The following RGS7 variants were observed in gnomAD, a reference collection of about 807,000 sequenced individuals.
RGS7 encodes regulator of G-protein signaling 7.
In RGS7, 27 loss-of-function variants were observed where a neutral mutation model predicts 81.1. The ratio of observed to expected loss-of-function variants is 0.33; its 90% CI spans 0.25 to 0.46. The LOEUF (loss-of-function observed/expected upper bound fraction) is 0.46. Among genes scored for constraint, RGS7 ranks in the 20% least tolerant of loss-of-function variants. RGS7 has a pLI of 1.00. For synonymous variants in RGS7, 208 were observed against 207.7 expected, an observed-to-expected ratio of 1.00 and a Z score of -0.01; for missense variants, 396 against 607.4, an observed-to-expected ratio of 0.65 and a Z score of 3.66.
chr1:241,045,390 G>A (rs1363890546), intron 3 of RGS7, among the ~76,000 whole-genome samples: 1 of 152,076 alleles, frequency 6.6e-6, no homozygotes, highest in Non-Finnish European at 1.5e-5. Flanking sequence ...TTGAGACAGA[G>A]TCTCACTGTG....
At chr1:240,851,253 G>A (rs999983811) in intron 9 of RGS7, among the ~76,000 whole-genome samples, 5 of 152,072 alleles carry the variant, frequency 3.3e-5, no homozygotes, top group Non-Finnish European at 4.4e-5. Flanking sequence ...AAAATTCTAG[G>A]GCCCATAAGA....
chr1:240,793,842 G>C (rs1686526883), intron 18 of RGS7, among the ~76,000 whole-genome samples: 1 of 151,704 alleles, frequency 6.6e-6, no homozygotes, highest in Admixed American at 6.6e-5. Flanking sequence ...TCGATCTCCT[G>C]ACCTTGTGAT....
intron 2 of RGS7, among the ~76,000 whole-genome samples, chr1:241,282,005 GT>G (rs1041517181): frequency 8.5e-5 from 13 of 152,134 alleles, no homozygotes; most frequent in African/African-American, 3.1e-4. Flanking sequence ...ATTTTCTTTT[GT>G]TTTCCCTCAA....
chr1:240,916,109 C>CAA (rs60839025), intron 6 of RGS7, among the ~76,000 whole-genome samples: 4,764 of 70,816 alleles, frequency 0.067, 229 homozygotes, highest in African/African-American at 0.16. Flanking sequence ...CTAAAAATAC[C>CAA]AAAAAAAAAA....
chr1:241,181,432 A>G (rs2071611314), intron 2 of RGS7, among the ~76,000 whole-genome samples: 1 of 152,252 alleles, frequency 6.6e-6, no homozygotes, highest in Non-Finnish European at 1.5e-5. Context: ...TAGAGTAGTA[A>G]TAATTAAATG....
chr1:241,135,065 G>C (rs2067403938), intron 2 of RGS7, among the ~76,000 whole-genome samples: 1 of 152,124 alleles, frequency 6.6e-6, no homozygotes, highest in Admixed American at 6.5e-5. Flanking sequence ...TAAAACCCCT[G>C]TCCTGTCCTC....
intron 2 of RGS7, among the ~76,000 whole-genome samples, chr1:241,338,300 T>C (rs889989700): frequency 6.6e-6 from 1 of 152,170 alleles, no homozygotes; most frequent in Non-Finnish European, 1.5e-5. Flanking sequence ...AAACATAAAA[T>C]AGTGTATCCA....
chr1:241,128,899 A>ATGC lies in RGS7; in HGVS notation c.79-30140_79-30138dup, dbSNP rs570432999. On this transcript the variant is annotated intron_variant, in intron 2 of 18. Coordinates refer to ENST00000440928, the MANE Select transcript of RGS7 (RefSeq NM_001364886.1). ...TTACATTTCCCTACCCCGTAATGAT[A>ATGC]TGCTCCCTTGGGGCTAGAAAGAAAG... 4.5e-3 allele frequency among the ~76,000 whole-genome samples: 684 copies of ATGC among 152,058 alleles called. 7 individuals are homozygous for ATGC. The highest frequency in any genetic ancestry group is 0.016 in the African/African-American group (659 of 41,512).
chr1:241,169,336 CTTTTTTTTTTTTTTT>C (rs57753661), intron 2 of RGS7, among the ~76,000 whole-genome samples: 2 of 74,274 alleles, frequency 2.7e-5, no homozygotes, highest in South Asian at 6.3e-4. Context: ...ATGTGTGTTT[CTTTTTTTTTTTTTTT>C]TTTTTTTTTT....
At chr1:241,249,341 T>A (rs2076719963) in intron 2 of RGS7, among the ~76,000 whole-genome samples, 1 of 152,096 alleles carries the variant, frequency 6.6e-6, no homozygotes, top group Non-Finnish European at 1.5e-5. Flanking sequence ...ATACCTAATT[T>A]ATCCTTTCCC....
At chr1:240,957,176 G>A (rs1171352671) in intron 4 of RGS7, among the ~76,000 whole-genome samples, 1 of 152,144 alleles carries the variant, frequency 6.6e-6, no homozygotes, top group Non-Finnish European at 1.5e-5. Context: ...AAAAGCAGGT[G>A]GAAGAAGGTG....
In RGS7 at chr1:240,966,943, C is replaced by A. The variant is rs115825257; in HGVS notation, c.226+16136G>T. ...TCAATTCAACAATGTTTACTGGTTA[C>A]CCAACATGTGTGAAACACTATGTAG... On this transcript the variant is annotated intron_variant, in intron 4 of 18. Coordinates refer to ENST00000440928, the MANE Select transcript of RGS7 (RefSeq NM_001364886.1). Among the ~76,000 whole-genome samples, 940 of 152,178 alleles carry A rather than the reference C, an allele frequency of 6.2e-3. 10 individuals are homozygous for A. The highest frequency in any genetic ancestry group is 0.022 in the African/African-American group (910 of 41,486).
At chr1:240,803,843 G>A (rs6679591) in intron 15 of RGS7, among the ~76,000 whole-genome samples, 118,243 of 151,624 alleles carry the variant, frequency 0.78, 46,607 homozygotes, top group African/African-American at 0.87. Context: ...GAATGTTCCA[G>A]TTTTCTTTTC....
At chr1:241,231,579 G>A (rs528315489) in intron 2 of RGS7, among the ~76,000 whole-genome samples, 1 of 151,976 alleles carries the variant, frequency 6.6e-6, no homozygotes, top group Non-Finnish European at 1.5e-5. Context: ...GGCTGGTCTC[G>A]AACTCCTGAC....
At chr1:241,323,027 A>C (rs974974080) in intron 2 of RGS7, among the ~76,000 whole-genome samples, 3 of 152,226 alleles carry the variant, frequency 2.0e-5, no homozygotes, top group African/African-American at 7.2e-5. Context: ...AAAAACACAA[A>C]TATAAATCTT....
At chr1:240,886,894 A>G (rs425749) in intron 6 of RGS7, among the ~76,000 whole-genome samples, 71,576 of 151,894 alleles carry the variant, frequency 0.47, 17,020 homozygotes, top group East Asian at 0.53. Context: ...ATGTGGTATA[A>G]TAGAAGGAAC....
At chr1:241,244,849 C>T (rs553201687) in intron 2 of RGS7, among the ~76,000 whole-genome samples, 4 of 151,500 alleles carry the variant, frequency 2.6e-5, no homozygotes, top group African/African-American at 9.7e-5. Context: ...AGCAAACTAT[C>T]GCAAGGACAA....
At chr1:241,195,476 AAAATAAAT>A (rs59191728) in intron 2 of RGS7, among the ~76,000 whole-genome samples, 5 of 151,908 alleles carry the variant, frequency 3.3e-5, no homozygotes, top group African/African-American at 9.7e-5. Flanking sequence ...GACTCCATCT[AAAATAAAT>A]AAATAAATAA....
At position 241,144,176 on chromosome 1, in the gene RGS7, AC is replaced by A. The variant is rs1332968986; in HGVS notation, c.79-45415del. ...TATATATATATATGAGCATTTTCAA[AC>A]AGAGTACTTCTGGAAGCTGAACAAC... On this transcript the variant is annotated intron_variant, in intron 2 of 18. Transcript: ENST00000440928. The surrounding 1 kb of genome is among the most constrained non-coding windows in gnomAD (Gnocchi z 4.7). Among the ~76,000 whole-genome samples the A allele has an allele frequency of 2.0e-5, 3 of 152,114 alleles. No individual in the cohort carries two copies. The highest frequency in any genetic ancestry group is 4.4e-5 in the Non-Finnish European group (3 of 68,016).
Sources: allele counts gnomAD v4.1 joint callset (sites outside exome capture counted in the v4.1 genomes callset), GRCh38; gene constraint gnomAD v4.1.1; non-coding constraint Gnocchi (gnomAD v3.1); transcripts MANE v1.5; gene names NCBI Gene and HGNC (gene_info 2026-07-23, HGNC 2026-07-21).